NRG1: variants seen among roughly 807,000 people sequenced by gnomAD.
The protein encoded by NRG1 is pro-neuregulin-1, membrane-bound isoform.
NRG1 carries 18 observed loss-of-function variants against 63.8 expected under a neutral mutation model. The observed-to-expected ratio is 0.28, with a 90% confidence interval of 0.19 to 0.42. The LOEUF (loss-of-function observed/expected upper bound fraction) is 0.42. Among genes scored for constraint, NRG1 ranks in the 10% least tolerant of loss-of-function variants. NRG1 has a pLI of 1.00. For synonymous variants in NRG1, 302 were observed against 301.3 expected, an observed-to-expected ratio of 1.00 and a Z score of -0.02; for missense variants, 762 against 814.7, an observed-to-expected ratio of 0.94 and a Z score of 0.79.
intron 1 of NRG1, among the ~76,000 whole-genome samples, chr8:32,495,244 T>C (rs556722153): frequency 6.6e-6 from 1 of 152,268 alleles, no homozygotes; most frequent in Non-Finnish European, 1.5e-5. Context: ...GGAAGGTCTT[T>C]CCTGTACTGT....
At chr8:32,339,114 A>C (rs1487858408) in intron 1 of NRG1, among the ~76,000 whole-genome samples, 1 of 152,174 alleles carries the variant, frequency 6.6e-6, no homozygotes, top group African/African-American at 2.4e-5. Context: ...AGAAGAATAG[A>C]AATCATCTTT....
intron 1 of NRG1, among the ~76,000 whole-genome samples, chr8:32,067,216 C>G (rs1415334422): frequency 6.6e-6 from 1 of 152,110 alleles, no homozygotes; most frequent in South Asian, 2.1e-4. Flanking sequence ...CCAGAACTTC[C>G]AACACTATGT....
intron 1 of NRG1, among the ~76,000 whole-genome samples, chr8:31,979,437 G>T (rs1026701642): frequency 6.6e-6 from 1 of 151,910 alleles, no homozygotes; most frequent in African/African-American, 2.4e-5. Context: ...TCCCTGTCTT[G>T]TCTGCCTCGT....
rs1206658364 is a variant in NRG1 at position 31,885,955 on chromosome 8, C to A, written c.37+246524C>A. Among the ~76,000 whole-genome samples, 2 of 151,980 alleles carry A rather than the reference C, an allele frequency of 1.3e-5. 1 individual carries two copies. Among genetic ancestry groups the A allele is most frequent in the Non-Finnish European group, 2.9e-5 (2 of 67,980 alleles). On this transcript the variant is annotated intron_variant, in intron 1 of 10. Coordinates refer to the NRG1 transcript ENST00000519301. ...CAGAGCATAAACCAATAGAGGTGTA[C>A]ACATATACTAAGAATTTTGACTGGT...
chr8:32,009,361 C>G (rs557692901), intron 1 of NRG1, among the ~76,000 whole-genome samples: 1 of 151,968 alleles, frequency 6.6e-6, no homozygotes, highest in Non-Finnish European at 1.5e-5. Context: ...ACTTTACATT[C>G]GTGCAATCAG....
chr8:32,376,003 A>T (rs1809575934), intron 1 of NRG1, among the ~76,000 whole-genome samples: 1 of 152,220 alleles, frequency 6.6e-6, no homozygotes, highest in Non-Finnish European at 1.5e-5. Context: ...CTGTTTTCAA[A>T]TTGGCATCTT....
chr8:31,805,827 CAAAAAA>C (rs58107730), intron 1 of NRG1, among the ~76,000 whole-genome samples: 1 of 105,328 alleles, frequency 9.5e-6, no homozygotes. Context: ...GACTCCGTCT[CAAAAAA>C]AAAAAAAAAA....
chr8:32,474,531 C>G (rs756109103), intron 1 of NRG1, among the ~76,000 whole-genome samples: 3 of 150,788 alleles, frequency 2.0e-5, no homozygotes, highest in Non-Finnish European at 4.4e-5. Context: ...TCTCACTCTG[C>G]CGCCAGGCTG....
chr8:31,752,657 A>C (rs1209515889), intron 1 of NRG1, among the ~76,000 whole-genome samples: 1 of 151,990 alleles, frequency 6.6e-6, no homozygotes, highest in Admixed American at 6.6e-5. Flanking sequence ...TGAGGAGGAG[A>C]TGAATCAAGG....
intron 5 of NRG1, among the ~76,000 whole-genome samples, chr8:32,690,980 T>TGTGTGTGTGTGTG (rs759954971): frequency 2.0e-5 from 3 of 146,456 alleles, no homozygotes; most frequent in African/African-American, 7.8e-5. Flanking sequence ...TGTGTGTGTG[T>TGTGTGTGTGTGTG]TAGCCATTTA....
chr8:31,847,983 A>G (rs1826846630), intron 1 of NRG1, among the ~76,000 whole-genome samples: 1 of 152,374 alleles, frequency 6.6e-6, no homozygotes. Context: ...AGGTCTGAGC[A>G]TGACACTAGG....
At chr8:32,329,667 C>A (rs1802409796) in intron 1 of NRG1, among the ~76,000 whole-genome samples, 1 of 151,908 alleles carries the variant, frequency 6.6e-6, no homozygotes, top group Non-Finnish European at 1.5e-5. Context: ...TGCTCTTGCT[C>A]GTATTAGCTG....
chr8:31,696,014 TAATGGATTAAA>T (rs1263508827), intron 1 of NRG1, among the ~76,000 whole-genome samples: 1 of 134,952 alleles, frequency 7.4e-6, no homozygotes, highest in African/African-American at 4.0e-5. Flanking sequence ...GATTAAAAGA[TAATGGATTAAA>T]AGATAATGTA....
At chr8:32,769,234 AT>A (rs1314139061), downstream of NRG1, among the ~76,000 whole-genome samples, 7 of 152,194 alleles carry the variant, frequency 4.6e-5, no homozygotes, top group Admixed American at 2.0e-4. Context: ...TATTGTAGTA[AT>A]TTTGGTTAAA....
intron 1 of NRG1, among the ~76,000 whole-genome samples, chr8:31,712,255 C>CTTTTT (rs57363109): frequency 0.01 from 738 of 72,330 alleles, 86 homozygotes; most frequent in Non-Finnish European, 0.013. Context: ...TCTTCATGAT[C>CTTTTT]TTTTTTTTTT....
chr8:31,848,727 A>G (rs956577635), intron 1 of NRG1, among the ~76,000 whole-genome samples: 1 of 152,170 alleles, frequency 6.6e-6, no homozygotes, highest in African/African-American at 2.4e-5. Flanking sequence ...TAGGTTGCAC[A>G]TTCCTTATGA....
At chr8:32,327,857 A>G (rs566459468) in intron 1 of NRG1, among the ~76,000 whole-genome samples, 1 of 152,178 alleles carries the variant, frequency 6.6e-6, no homozygotes, top group Non-Finnish European at 1.5e-5. Context: ...ATGTGTCAAT[A>G]ATGTTGCAAG....
intron 1 of NRG1, among the ~76,000 whole-genome samples, chr8:32,367,867 C>G (rs1808283803): frequency 6.6e-6 from 1 of 152,176 alleles, no homozygotes; most frequent in South Asian, 2.1e-4. Context: ...AGATTGGGGT[C>G]TAGCTTCATT....
intron 1 of NRG1, among the ~76,000 whole-genome samples, chr8:32,068,473 G>A (rs1172903206): frequency 6.6e-6 from 1 of 152,138 alleles, no homozygotes; most frequent in Non-Finnish European, 1.5e-5. Flanking sequence ...TGCATGAAAG[G>A]CCACGGGGCT....
Sources: allele counts gnomAD v4.1 joint callset (sites outside exome capture counted in the v4.1 genomes callset), GRCh38; gene constraint gnomAD v4.1.1; transcripts MANE v1.5; gene names NCBI Gene and HGNC (gene_info 2026-07-23, HGNC 2026-07-21).